Variants in SLC1A7 observed in about 807,000 individuals in gnomAD.
SLC1A7 encodes the protein solute carrier family 1 member 7.
A neutral mutation model predicts 47.7 loss-of-function variants in SLC1A7; 40 were observed. That is an observed-to-expected ratio of 0.84 (90% CI 0.65 to 1.09). The LOEUF is 1.09. SLC1A7 is among the 50% of genes least tolerant of loss of function. The pLI, the probability that SLC1A7 is intolerant of heterozygous loss-of-function variation, is 0.00. For missense variants in SLC1A7, 746 were observed against 769.5 expected (o/e 0.97, Z 0.36); for synonymous variants, 323 against 325.6 (o/e 0.99, Z 0.09).
rs539209419 is a variant in SLC1A7 at position 53,094,649 on chromosome 1, T to C, written c.698-1089A>G. ...CAGGGTGGGTAGGAGAGGCTGGAGT[T>C]GGAGGTGACCCTGGGCCTACCCCGC... On this transcript the variant is annotated intron_variant, in intron 5 of 10. Transcript: ENST00000371494. 4.3e-3 allele frequency among the ~76,000 whole-genome samples: 655 copies of C among 152,270 alleles called. 8 individuals carry two copies. The highest frequency in any genetic ancestry group is 0.015 in the African/African-American group (630 of 41,564).
chr1:53,135,912 C>T (rs920836179), intron 1 of SLC1A7, among the ~76,000 whole-genome samples: 17 of 151,672 alleles, frequency 1.1e-4, no homozygotes, highest in Non-Finnish European at 2.1e-4. Context: ...CAAACATACT[C>T]GGTTGATGAT....
chr1:53,090,015 A>T lies in SLC1A7; in HGVS notation c.1227-81T>A, dbSNP rs1164569556. On this transcript the variant is annotated intron_variant, in intron 8 of 10. Coordinates refer to ENST00000371494, the MANE Select transcript of SLC1A7 (RefSeq NM_006671.6). ...GGGTCTGGCTCCAAGGAAGAGGTTG[A>T]GTGTCAGGGCCTCTGGGACAGCCAT... The T allele has an allele frequency of 8.0e-6, 12 of 1,503,560 alleles. No homozygotes were observed. The East Asian group carries it at 2.5e-4, about 31-fold the overall frequency. The allele number at this position is 1,503,560 out of a possible 1,614,324, so 93.1% of individuals were successfully genotyped here.
chr1:53,111,129 AG>A (rs1195792050), intron 3 of SLC1A7, among the ~76,000 whole-genome samples: 1 of 152,184 alleles, frequency 6.6e-6, no homozygotes, highest in Non-Finnish European at 1.5e-5. Flanking sequence ...TATGAGGAGA[AG>A]TGACTCAAGA....
At chr1:53,125,791 G>A (rs3766794) in intron 2 of SLC1A7, among the ~76,000 whole-genome samples, 21,191 of 152,180 alleles carry the variant, frequency 0.14, 1,958 homozygotes, top group Admixed American at 0.28. Context: ...GGGCCACCCC[G>A]TGGAGGGAAC....
intron 8 of SLC1A7, 69 bp from the exon 9 acceptor site, chr1:53,090,003 A>G: frequency 6.4e-7 from 1 of 1,574,516 alleles, no homozygotes; most frequent in South Asian, 1.1e-5. Context: ...TCTGGCTCCA[A>G]GGAAGAGGTT....
intron 2 of SLC1A7, among the ~76,000 whole-genome samples, chr1:53,125,702 T>G (rs1053194086): frequency 1.3e-5 from 2 of 152,220 alleles, no homozygotes; most frequent in Admixed American, 1.3e-4. Flanking sequence ...GAGGCATCCC[T>G]GTGGCCTGAG....
At chr1:53,130,556 T>C (rs946593) in intron 2 of SLC1A7, among the ~76,000 whole-genome samples, 48,177 of 146,968 alleles carry the variant, frequency 0.33, 7,966 homozygotes, top group Middle Eastern at 0.47. Context: ...CTTGCCTTCC[T>C]GGGTCACAGC....
At chr1:53,141,095 C>T (rs1645052238) in intron 1 of SLC1A7, among the ~76,000 whole-genome samples, 1 of 152,168 alleles carries the variant, frequency 6.6e-6, no homozygotes, top group Admixed American at 6.5e-5. Flanking sequence ...CTCCTCTGAG[C>T]CCTCTTTTCC....
At position 53,090,754 on chromosome 1, in the gene SLC1A7, C is replaced by T. The variant is rs1557665688; in HGVS notation, c.1084G>A (p.Asp362Asn). 6.2e-6 allele frequency: 10 copies of T among 1,613,632 alleles called. No individual in the cohort carries two copies. The East Asian group carries it at 6.7e-5, about 11-fold the overall frequency. Residue 362 changes from aspartate (D) to asparagine (N), a missense_variant, in exon 8 of 11, where the codon GAC (aspartate) becomes AAC (asparagine). Coordinates refer to ENST00000371494, the MANE Select transcript of SLC1A7 (RefSeq NM_006671.6). ...FKCLLENNHI[D>N]RRIARFVLPV... ...AGCACGAAGCGAGCGATGCGCCGGT[C>T]GATGTGGTTGTTCTCCAGCAGGCAC... is the stretch of plus-strand genomic sequence containing the variant.
intron 2 of SLC1A7, among the ~76,000 whole-genome samples, chr1:53,127,848 C>G (rs1173394971): frequency 6.6e-6 from 1 of 152,152 alleles, no homozygotes; most frequent in African/African-American, 2.4e-5. Flanking sequence ...CCTGAGGGAG[C>G]ATGGAGGCGG....
chr1:53,106,147 C>T (rs1644637782), intron 3 of SLC1A7, among the ~76,000 whole-genome samples: 1 of 151,964 alleles, frequency 6.6e-6, no homozygotes, highest in African/African-American at 2.4e-5. Flanking sequence ...GCTGCTGCTC[C>T]GCCACACCAC....
At chr1:53,120,556 C>T (rs1235612296) in intron 2 of SLC1A7, among the ~76,000 whole-genome samples, 4 of 152,194 alleles carry the variant, frequency 2.6e-5, no homozygotes, top group African/African-American at 9.7e-5. Context: ...GTTCCTCCCG[C>T]CTGGAACTCT....
At chr1:53,134,135 T>C (rs1644967547) in intron 2 of SLC1A7, among the ~76,000 whole-genome samples, 1 of 152,130 alleles carries the variant, frequency 6.6e-6, no homozygotes, top group Non-Finnish European at 1.5e-5. Context: ...ACCTGTTCTA[T>C]CCACTAAAAA....
chr1:53,088,379 G>C (rs1474384723), intron 10 of SLC1A7, 152 bp from the exon 11 acceptor site: 1 of 602,220 alleles, frequency 1.7e-6, no homozygotes, highest in Non-Finnish European at 2.8e-6. Context: ...GGCAGGTCAC[G>C]GCCTCCCTGG....
At chr1:53,136,668 T>TATATATA (rs1557693580) in intron 1 of SLC1A7, among the ~76,000 whole-genome samples, 1 of 4,934 alleles carries the variant, frequency 2.0e-4, no homozygotes, top group African/African-American at 4.0e-4. Context: ...ATATATATAT[T>TATATATA]TTTTTTTTTT....
intron 2 of SLC1A7, chr1:53,115,840 A>T (rs1247902867): frequency 6.6e-6 from 1 of 151,916 alleles, no homozygotes; most frequent in Non-Finnish European, 1.5e-5. Flanking sequence ...TCTGCCTACC[A>T]GTGCAGGTCA....
Position 53,139,175 on chromosome 1 carries a change from G to A in SLC1A7, c.135+3140C>T, listed in dbSNP as rs539353342. Reference sequence around the variant, plus strand: ...GGTTTGTCAACTGACGGCCCTCAGGGCAGGGTGACAGGTGCTGATCTGGCT... The same window carrying A: ...GGTTTGTCAACTGACGGCCCTCAGGACAGGGTGACAGGTGCTGATCTGGCT... On this transcript the variant is annotated intron_variant, in intron 1 of 10. Transcript: ENST00000371494. 7.9e-4 allele frequency among the ~76,000 whole-genome samples: 120 copies of A among 152,300 alleles called. 2 individuals carry two copies. The highest frequency in any genetic ancestry group is 2.9e-3 in the African/African-American group (120 of 41,556).
intron 3 of SLC1A7, among the ~76,000 whole-genome samples, chr1:53,106,709 G>A (rs1335210616): frequency 3.9e-5 from 6 of 152,232 alleles, no homozygotes; most frequent in South Asian, 2.1e-4. Context: ...TAAGTGTTTC[G>A]TACTTGATAA....
At chr1:53,141,148 C>T (rs923061042) in intron 1 of SLC1A7, among the ~76,000 whole-genome samples, 12 of 152,138 alleles carry the variant, frequency 7.9e-5, no homozygotes. Flanking sequence ...CTGCATAGTC[C>T]AGCTGTAGCA....
Sources: allele counts gnomAD v4.1 joint callset (sites outside exome capture counted in the v4.1 genomes callset), GRCh38; gene constraint gnomAD v4.1.1; transcripts MANE v1.5; gene names NCBI Gene and HGNC (gene_info 2026-07-23, HGNC 2026-07-21).